Variants in PRKN observed in about 807,000 individuals in gnomAD.
PRKN encodes the protein parkin RBR E3 ubiquitin protein ligase, also known as E3 ubiquitin-protein ligase parkin.
A neutral mutation model predicts 59.5 loss-of-function variants in PRKN; 56 were observed. The observed-to-expected ratio is 0.94, with a 90% confidence interval of 0.76 to 1.18. PRKN has a LOEUF of 1.18. PRKN is among the 50% of genes most tolerant of loss of function. The pLI, the probability that PRKN is intolerant of heterozygous loss-of-function variation, is 0.00. For missense variants in PRKN, 657 were observed against 596.4 expected (o/e 1.10, Z -1.06); for synonymous variants, 250 against 222.1 (o/e 1.13, Z -1.12).
At chr6:162,070,038 T>C (rs1407656658) in intron 4 of PRKN, among the ~76,000 whole-genome samples, 1 of 152,226 alleles carries the variant, frequency 6.6e-6, no homozygotes, top group East Asian at 1.9e-4. Context: ...CTTTCACATG[T>C]CCCAAGCCAA....
In PRKN at chr6:161,377,034, C is replaced by A. The variant is rs1426617289; in HGVS notation, c.1167+9760G>T. Among the ~76,000 whole-genome samples the A allele has an allele frequency of 2.0e-5, 3 of 152,258 alleles. No homozygotes were observed. The highest frequency in any genetic ancestry group is 7.2e-5 in the African/African-American group (3 of 41,470). ...AGGAGCAAAGGGCAGGGTCAGGCGGCATGCAAGCGCCCTGTCTCTGCGGCT... is the reference window on the plus strand; with the variant it reads ...AGGAGCAAAGGGCAGGGTCAGGCGGAATGCAAGCGCCCTGTCTCTGCGGCT... On this transcript the variant is annotated intron_variant, in intron 10 of 11. Coordinates refer to ENST00000366898, the MANE Select transcript of PRKN (RefSeq NM_004562.3). This position sits in a 1 kb window ranked among gnomAD's most constrained non-coding sequence, Gnocchi z 4.2.
intron 4 of PRKN, among the ~76,000 whole-genome samples, chr6:162,149,698 A>G (rs1247357094): frequency 2.0e-5 from 3 of 152,152 alleles, no homozygotes; most frequent in Non-Finnish European, 4.4e-5. Flanking sequence ...TAGTTTCACT[A>G]TCAGGGGCCA....
At chr6:162,575,804 G>T (rs1780533005) in intron 1 of PRKN, among the ~76,000 whole-genome samples, 1 of 152,088 alleles carries the variant, frequency 6.6e-6, no homozygotes, top group African/African-American at 2.4e-5. Context: ...AACACCATAG[G>T]ATTTGTGCCC....
intron 6 of PRKN, among the ~76,000 whole-genome samples, chr6:161,875,360 ATTTTTGTAT>A (rs753384062): frequency 8.3e-4 from 126 of 151,040 alleles, no homozygotes; most frequent in Admixed American, 1.9e-3. Flanking sequence ...CACCTGGCTA[ATTTTTGTAT>A]TTTTTGTAGA....
Position 161,359,998 on chromosome 6 carries a change from G to A in PRKN, c.1285+90C>T. 1.1e-6 allele frequency: 1 copy of A among 949,110 alleles called. No individual in the cohort carries two copies. The allele number at this position is 949,110 out of a possible 1,614,324, so 58.8% of individuals were successfully genotyped here. A position where few individuals can be genotyped will look rare whatever the true frequency, so the allele number is the denominator to read the frequency against. Reference sequence around the variant, plus strand: ...CCAACACACCAGGCACCTTCAGACAGCATCTCCTTTAATCCTGGAATCCCT... The same window carrying A: ...CCAACACACCAGGCACCTTCAGACAACATCTCCTTTAATCCTGGAATCCCT... On this transcript the variant is annotated intron_variant, in intron 11 of 11. Transcript: ENST00000366898. The surrounding 1 kb of genome is among the most constrained non-coding windows in gnomAD (Gnocchi z 5.4).
rs529487836 is a variant in PRKN at position 161,588,453 on chromosome 6, A to C, written c.872-19037T>G. 6.6e-6 allele frequency among the ~76,000 whole-genome samples: 1 copy of C among 152,254 alleles called. No individual in the cohort carries two copies. Among genetic ancestry groups the C allele is most frequent in the South Asian group, 2.1e-4 (1 of 4,824 alleles). On this transcript the variant is annotated intron_variant, in intron 7 of 11. Coordinates refer to ENST00000366898, the MANE Select transcript of PRKN (RefSeq NM_004562.3). This position sits in a 1 kb window ranked among gnomAD's most constrained non-coding sequence, Gnocchi z 5.0. ...GTTATTCTAACTCATTCTGTGCCTC[A>C]TTCAGTAAAAGGCTATGAAGCAATT...
intron 8 of PRKN, among the ~76,000 whole-genome samples, chr6:161,558,300 G>A (rs1221476234): frequency 2.6e-5 from 4 of 152,126 alleles, no homozygotes; most frequent in Non-Finnish European, 5.9e-5. Flanking sequence ...AGTGACTCAT[G>A]TCTGTAATCC....
chr6:161,374,315 T>C (rs1785562745), intron 10 of PRKN, among the ~76,000 whole-genome samples: 1 of 151,050 alleles, frequency 6.6e-6, no homozygotes, highest in Non-Finnish European at 1.5e-5. Flanking sequence ...TGCGCGTGTG[T>C]TGTGTGTGTA....
At chr6:162,232,544 G>A (rs1319764040) in intron 3 of PRKN, among the ~76,000 whole-genome samples, 1 of 152,170 alleles carries the variant, frequency 6.6e-6, no homozygotes, top group Non-Finnish European at 1.5e-5. Flanking sequence ...ACTTTTCTGA[G>A]GATAGGCATA....
chr6:162,424,951 G>C (rs1037733470), intron 2 of PRKN, among the ~76,000 whole-genome samples: 3 of 151,952 alleles, frequency 2.0e-5, no homozygotes, highest in Non-Finnish European at 4.4e-5. Flanking sequence ...ATGGTTCACA[G>C]CCACATAGGA....
At chr6:162,404,406 CTT>C (rs1185517479) in intron 2 of PRKN, among the ~76,000 whole-genome samples, 1 of 151,614 alleles carries the variant, frequency 6.6e-6, no homozygotes, top group African/African-American at 2.4e-5. Flanking sequence ...AAAGAAAATC[CTT>C]TTTTCTTTTC....
chr6:161,693,788 A>G (rs1019871450), intron 7 of PRKN, among the ~76,000 whole-genome samples: 2 of 152,226 alleles, frequency 1.3e-5, no homozygotes, highest in African/African-American at 4.8e-5. Flanking sequence ...CACAGCTACT[A>G]AATGATGTAT....
At position 161,402,896 on chromosome 6, in the gene PRKN, C is replaced by T. The variant is rs781426614; in HGVS notation, c.1084-16019G>A. On this transcript the variant is annotated intron_variant, in intron 9 of 11. Transcript: ENST00000366898. The surrounding 1 kb of genome is among the most constrained non-coding windows in gnomAD (Gnocchi z 4.5). ...GTAGTCTCTCCAGGCATGGTGTCCA[C>T]GTACTCATCTTCCCCGGCTGACACA... 9.2e-5 allele frequency among the ~76,000 whole-genome samples: 14 copies of T among 152,130 alleles called. No homozygotes were observed. The highest frequency in any genetic ancestry group is 1.9e-4 in the East Asian group (1 of 5,186).
chr6:161,641,410 G>C (rs989009930), intron 7 of PRKN, among the ~76,000 whole-genome samples: 5 of 152,074 alleles, frequency 3.3e-5, no homozygotes, highest in African/African-American at 1.2e-4. Flanking sequence ...CATCTGGTCA[G>C]AAAATGACTC....
intron 7 of PRKN, among the ~76,000 whole-genome samples, chr6:161,698,237 T>C (rs577996036): frequency 1.3e-5 from 2 of 152,242 alleles, no homozygotes; most frequent in East Asian, 1.9e-4. Flanking sequence ...GCAGACAGGC[T>C]ACATGTAGCC....
intron 6 of PRKN, among the ~76,000 whole-genome samples, chr6:161,866,778 A>C (rs1233875835): frequency 1.3e-5 from 2 of 152,136 alleles, no homozygotes; most frequent in Non-Finnish European, 2.9e-5. Flanking sequence ...TTTTATAGTG[A>C]TTGCTGTGAG....
At chr6:161,635,878 T>C (rs544215082) in intron 7 of PRKN, among the ~76,000 whole-genome samples, 1 of 152,322 alleles carries the variant, frequency 6.6e-6, no homozygotes, top group African/African-American at 2.4e-5. Flanking sequence ...AGTAAATGTG[T>C]CCAGGCTTTT....
At chr6:162,104,983 A>G (rs1040501616) in intron 4 of PRKN, among the ~76,000 whole-genome samples, 3 of 152,224 alleles carry the variant, frequency 2.0e-5, no homozygotes, top group Non-Finnish European at 4.4e-5. Context: ...TTTGGGTGGC[A>G]TCAAAGAATA....
At chr6:162,348,835 T>G (rs371248920) in intron 2 of PRKN, among the ~76,000 whole-genome samples, 5 of 152,074 alleles carry the variant, frequency 3.3e-5, no homozygotes, top group Non-Finnish European at 7.4e-5. Flanking sequence ...ATTCTAAAAA[T>G]CAACAGCAAA....
Sources: gnomAD v4.1 joint callset for allele counts (sites outside exome capture counted in the v4.1 genomes callset) on GRCh38, gnomAD v4.1.1 for gene constraint, Gnocchi (gnomAD v3.1) non-coding constraint, MANE v1.5 for transcripts, NCBI Gene and HGNC (gene_info 2026-07-23, HGNC 2026-07-21) for gene names.